PWP1: variants seen among roughly 807,000 people sequenced by gnomAD.
PWP1 encodes the protein periodic tryptophan protein 1 homolog.
In PWP1, 47 loss-of-function variants were observed where a neutral mutation model predicts 69.9. That is an observed-to-expected ratio of 0.67 (90% CI 0.53 to 0.86). The LOEUF is 0.86. Ranked by LOEUF, PWP1 falls within the 40% of genes least tolerant of loss-of-function variation. The probability of loss-of-function intolerance (pLI) is 0.00; values close to 1 mark genes in which losing one functional copy is unlikely to be tolerated. For missense variants in PWP1, 551 were observed against 608.8 expected (o/e 0.91, Z 1.00); for synonymous variants, 222 against 208.2 (o/e 1.07, Z -0.57).
intron 13 of PWP1, among the ~76,000 whole-genome samples, chr12:107,709,954 T>C (rs1889912196): frequency 6.6e-6 from 1 of 152,194 alleles, no homozygotes. Context: ...GAGATTTTCA[T>C]ATATTTTTCT....
At position 107,688,163 on chromosome 12, in the gene PWP1, C is replaced by T. The variant is rs142635199; in HGVS notation, c.73-285C>T. ...CAGAGATGGTTGGAAGAAAACCAGA[C>T]GAGTACCACACAGCCACTTTACCAA... On this transcript the variant is annotated intron_variant, in intron 1 of 14. Coordinates refer to ENST00000412830, the MANE Select transcript of PWP1 (RefSeq NM_007062.3). Among the ~76,000 whole-genome samples the T allele has an allele frequency of 1.6e-3, 240 of 150,726 alleles. 2 individuals are homozygous for T. Among genetic ancestry groups the T allele is most frequent in the African/African-American group, 5.2e-3 (211 of 40,950 alleles).
chr12:107,696,862 C>T (rs1055043129), intron 6 of PWP1, among the ~76,000 whole-genome samples: 8 of 152,104 alleles, frequency 5.3e-5, no homozygotes, highest in Admixed American at 3.9e-4. Flanking sequence ...TGTAAAGGTC[C>T]CATAAAGACT....
At chr12:107,712,044 G>A (rs1287945626) in intron 14 of PWP1, 67 bp from the exon 15 acceptor site, 12 of 1,325,842 alleles carry the variant, frequency 9.1e-6, no homozygotes, top group African/African-American at 4.4e-5. Context: ...CTGCATTTTA[G>A]TGTCTTTTTA....
chr12:107,692,810 A>G lies in PWP1; in HGVS notation c.320-4A>G. 1 of 1,605,242 alleles carries G rather than the reference A, an allele frequency of 6.2e-7. No homozygotes were observed. The highest frequency in any genetic ancestry group is 8.5e-7 in the Non-Finnish European group (1 of 1,175,650). On this transcript the variant is annotated splice_region_variant and splice_polypyrimidine_tract_variant and intron_variant, in intron 3 of 14. Transcript: ENST00000412830. Reference sequence around the variant, plus strand: ...TTATTGTAGTTTGTCAATTTTTCTTACAGATGCTGAGACTCTTGGTGAATC... The same window carrying G: ...TTATTGTAGTTTGTCAATTTTTCTTGCAGATGCTGAGACTCTTGGTGAATC...
Position 107,686,733 on chromosome 12 carries a change from A to C in PWP1, c.72+762A>C, listed in dbSNP as rs534685670. ...TGTAATCCCAGCACTTTGGGAGGCC[A>C]AGGCGGGCGGATCACGAGGTCAGGA... On this transcript the variant is annotated intron_variant, in intron 1 of 14. Coordinates refer to ENST00000412830, the MANE Select transcript of PWP1 (RefSeq NM_007062.3). Among the ~76,000 whole-genome samples, 304 of 152,266 alleles carry C rather than the reference A, an allele frequency of 2.0e-3. 2 individuals are homozygous for C. The highest frequency in any genetic ancestry group is 7.1e-3 in the African/African-American group (294 of 41,550).
chr12:107,700,635 G>A (rs996736073), intron 8 of PWP1, among the ~76,000 whole-genome samples: 3 of 152,138 alleles, frequency 2.0e-5, no homozygotes, highest in Non-Finnish European at 4.4e-5. Flanking sequence ...CTATGAATGT[G>A]GGTGTACAAA....
chr12:107,712,066 A>T (rs761953676), intron 14 of PWP1, 45 bp from the exon 15 acceptor site: 4 of 1,498,070 alleles, frequency 2.7e-6, no homozygotes, highest in Non-Finnish European at 1.9e-6. Flanking sequence ...ATTCTGACTT[A>T]ATTTCCTGAT....
chr12:107,712,048 CTT>C, intron 14 of PWP1, 61 bp from the exon 15 acceptor site: 1 of 1,398,794 alleles, frequency 7.1e-7, no homozygotes, highest in Non-Finnish European at 1.0e-6. Flanking sequence ...ATTTTAGTGT[CTT>C]TTTATATTCT....
chr12:107,701,497 A>C (rs1330623170), intron 8 of PWP1, among the ~76,000 whole-genome samples: 1 of 152,172 alleles, frequency 6.6e-6, no homozygotes, highest in East Asian at 1.9e-4. Context: ...TGTTGTATCT[A>C]GCAAACCATC....
chr12:107,693,978 C>A (rs1889534106), intron 5 of PWP1, among the ~76,000 whole-genome samples: 1 of 152,152 alleles, frequency 6.6e-6, no homozygotes, highest in African/African-American at 2.4e-5. Flanking sequence ...ATCGTGATCA[C>A]CTTTCTTACT....
At chr12:107,698,223 ATGT>A in intron 7 of PWP1, among the ~76,000 whole-genome samples, 1 of 152,190 alleles carries the variant, frequency 6.6e-6, no homozygotes, top group Non-Finnish European at 1.5e-5. Flanking sequence ...TTAGCCAGGC[ATGT>A]TGGTGTGTTC....
chr12:107,690,959 C>T (rs1889469268), intron 3 of PWP1, among the ~76,000 whole-genome samples: 1 of 152,138 alleles, frequency 6.6e-6, no homozygotes, highest in Admixed American at 6.6e-5. Context: ...GAGACATGGT[C>T]TGTGTTGGGC....
At position 107,712,256 on chromosome 12, in the gene PWP1, G is replaced by A. The variant is rs756516267; in HGVS notation, c.*36G>A. On this transcript the variant is annotated 3_prime_UTR_variant, in exon 15 of 15. Coordinates refer to ENST00000412830, the MANE Select transcript of PWP1 (RefSeq NM_007062.3). ...CTAATTTCCTGCTTACCTTAACTGG[G>A]AATTTTAAAAAGTTGGCCTAAAAAT... is the stretch of plus-strand genomic sequence containing the variant. 9.0e-6 allele frequency: 14 copies of A among 1,549,298 alleles called. No individual in the cohort carries two copies. Among genetic ancestry groups the A allele is most frequent in the African/African-American group, 1.4e-5 (1 of 73,440 alleles).
rs777568883 is a variant in PWP1, at chr12:107,708,922, C to G, written c.1078-4C>G. 5.6e-6 allele frequency: 9 copies of G among 1,612,386 alleles called. No individual in the cohort carries two copies. The highest frequency in any genetic ancestry group is 6.8e-6 in the Non-Finnish European group (8 of 1,179,506). On this transcript the variant is annotated splice_region_variant and splice_polypyrimidine_tract_variant and intron_variant, in intron 11 of 14. Transcript: ENST00000412830. ...TGACCTTGCCCATCTTTTACTCTTT[C>G]TAGGCCAGTACAGATGACGGCTTTG...
chr12:107,689,865 A>G (rs1410085824), intron 3 of PWP1, among the ~76,000 whole-genome samples: 1 of 152,194 alleles, frequency 6.6e-6, no homozygotes, highest in Non-Finnish European at 1.5e-5. Flanking sequence ...ACAACTACCT[A>G]TATTGCTCTT....
chr12:107,701,599 G>GT (rs767198599), intron 8 of PWP1, among the ~76,000 whole-genome samples: 42 of 151,950 alleles, frequency 2.8e-4, no homozygotes, highest in South Asian at 1.9e-3. Context: ...TCCATTTTGA[G>GT]TTTTTTTTGT....
At chr12:107,687,260 C>T (rs1013731024) in intron 1 of PWP1, among the ~76,000 whole-genome samples, 1 of 152,032 alleles carries the variant, frequency 6.6e-6, no homozygotes, top group Non-Finnish European at 1.5e-5. Flanking sequence ...GGTAGGCACT[C>T]GGTGTTACAT....
intron 1 of PWP1, among the ~76,000 whole-genome samples, chr12:107,686,969 CAA>C (rs61728433): frequency 1.1e-3 from 113 of 106,802 alleles, no homozygotes; most frequent in African/African-American, 3.7e-3. Flanking sequence ...GACTCCGTCT[CAA>C]AAAAAAAAAA....
chr12:107,697,871 A>G (rs1384116443), intron 7 of PWP1: 3 of 485,680 alleles, frequency 6.2e-6, no homozygotes, highest in East Asian at 5.6e-5. Flanking sequence ...TAGATGAAGG[A>G]CTTTCGGATT....
Sources: allele counts gnomAD v4.1 joint callset (sites outside exome capture counted in the v4.1 genomes callset), GRCh38; gene constraint gnomAD v4.1.1; transcripts MANE v1.5; gene names NCBI Gene and HGNC (gene_info 2026-07-23, HGNC 2026-07-21).